Variants in COCH observed in about 807,000 individuals in gnomAD.
The protein encoded by COCH is cochlin, also known as coagulation factor C homolog, cochlin (Limulus polyphemus).
COCH carries 40 observed loss-of-function variants against 54.8 expected under a neutral mutation model. The observed-to-expected ratio is 0.73, with a 90% confidence interval of 0.57 to 0.95. COCH has a LOEUF of 0.95. Ranked by LOEUF, COCH falls within the 40% of genes least tolerant of loss-of-function variation. COCH has a pLI of 0.00. For missense variants in COCH, 605 were observed against 675.0 expected (o/e 0.90, Z 1.15); for synonymous variants, 256 against 237.9 (o/e 1.08, Z -0.70).
Position 30,875,108 on chromosome 14 carries a change from G to A in COCH, c.82+5G>A. On this transcript the variant is annotated splice_donor_5th_base_variant and intron_variant, in intron 3 of 11. Coordinates refer to ENST00000396618, the MANE Select transcript of COCH (RefSeq NM_004086.3). Reference sequence around the variant, plus strand: ...CCGCGGGCAGCGAGGGAGCCGGTGAGTGGGGGAGCTGGGGTGCGTCCAGGC... The same window carrying A: ...CCGCGGGCAGCGAGGGAGCCGGTGAATGGGGGAGCTGGGGTGCGTCCAGGC... The A allele has an allele frequency of 6.4e-6, 10 of 1,563,240 alleles. No individual in the cohort carries two copies. Among genetic ancestry groups the A allele is most frequent in the Non-Finnish European group, 8.7e-6 (10 of 1,154,576 alleles).
Position 30,877,374 on chromosome 14 carries a change from G to A in COCH, c.83-198G>A. 1 of 622,756 alleles carries A rather than the reference G, an allele frequency of 1.6e-6. No individual in the cohort carries two copies. The allele number at this position is 622,756 out of a possible 1,614,324, so 38.6% of individuals were successfully genotyped here. ...TTCACATTAGAGTTTTATAGTGGCTGGGGACTATATTAAATTGGAAAACAA... is the reference window on the plus strand; with the variant it reads ...TTCACATTAGAGTTTTATAGTGGCTAGGGACTATATTAAATTGGAAAACAA... On this transcript the variant is annotated intron_variant, in intron 3 of 11. Transcript: ENST00000396618. The surrounding 1 kb of genome is among the most constrained non-coding windows in gnomAD (Gnocchi z 8.6).
intron 8 of COCH, among the ~76,000 whole-genome samples, chr14:30,882,331 T>C (rs1895641196): frequency 6.6e-6 from 1 of 151,812 alleles, no homozygotes; most frequent in South Asian, 2.1e-4. Flanking sequence ...GGTTTCACCA[T>C]GTTGGCCAGC....
At chr14:30,879,274 T>C in intron 5 of COCH, 149 bp from the exon 6 acceptor site, 1 of 822,704 alleles carries the variant, frequency 1.2e-6, no homozygotes, top group South Asian at 1.6e-5. Flanking sequence ...AGCATTTTGG[T>C]TCTCTGAAAC....
At chr14:30,895,077 A>AAAAAAAAAG (rs1896101873), downstream of COCH, 1 of 184,230 alleles carries the variant, frequency 5.4e-6, no homozygotes, top group African/African-American at 2.9e-5. Context: ...AAAAAAAAAA[A>AAAAAAAAAG]AAGAAGAAGA....
At chr14:30,892,704 G>C (rs1330826260), downstream of COCH, among the ~76,000 whole-genome samples, 2 of 152,070 alleles carry the variant, frequency 1.3e-5, no homozygotes, top group Non-Finnish European at 2.9e-5. Context: ...CTACTTGGGA[G>C]GCTGAGGCAC....
chr14:30,874,811 C>T (rs939220614), intron 1 of COCH, 105 bp from the exon 2 acceptor site: 22 of 1,090,886 alleles, frequency 2.0e-5, no homozygotes, highest in Admixed American at 8.9e-5. Flanking sequence ...TGTGTCCTCT[C>T]TCCTCTGCGC....
chr14:30,879,004 T>C (rs745708852), intron 5 of COCH, 60 bp downstream of exon 5: 34 of 1,591,144 alleles, frequency 2.1e-5, no homozygotes, highest in African/African-American at 4.0e-5. Flanking sequence ...CGTTTTCTGC[T>C]TTTTTTAGCT....
At chr14:30,892,687 A>G (rs1896014436), downstream of COCH, among the ~76,000 whole-genome samples, 2 of 152,030 alleles carry the variant, frequency 1.3e-5, no homozygotes, top group South Asian at 4.1e-4. Flanking sequence ...CATGCCTGTA[A>G]TCCCAGCTAC....
rs7158281 is a variant in COCH at position 30,875,307 on chromosome 14, C to G, written c.82+204C>G. ...CACCTGTTTCTCCCATGGTAGGGGG[C>G]CCCTGGGGTCCAGTGGGGGGACGTT... is the stretch of plus-strand genomic sequence containing the variant. On this transcript the variant is annotated intron_variant, in intron 3 of 11. Transcript: ENST00000396618. The G allele has an allele frequency of 3.7e-3, 2,645 of 721,896 alleles. 70 individuals are homozygous for G. The Admixed American group carries it at 0.046, about 12-fold the overall frequency. 44.7% of individuals were successfully genotyped at this position (721,896 alleles called of 1,614,324 possible).
chr14:30,880,691 G>A lies in COCH; in HGVS notation c.586G>A (p.Gly196Arg). ...NFVGKVALML[G>R]IGTEGPHVGL... ...TGTTGGAAAAGTGGCTCTAATGTTG[G>A]GAATTGGAACAGAAGGACCACATGT... The change falls in exon 8 of 12, where the codon GGA becomes AGA. Residue 196 changes from glycine to arginine, a missense_variant. Gly to Arg is a moderately radical substitution (Grantham distance 125). Transcript: ENST00000396618. 6.2e-7 allele frequency: 1 copy of A among 1,613,966 alleles called. No individual in the cohort carries two copies. Among genetic ancestry groups the A allele is most frequent in the Non-Finnish European group, 8.5e-7 (1 of 1,179,904 alleles).
chr14:30,891,155 C>T (rs755449386), downstream of COCH, among the ~76,000 whole-genome samples: 9 of 152,080 alleles, frequency 5.9e-5, no homozygotes, highest in South Asian at 2.1e-4. Context: ...CTTGCTTCAC[C>T]AGAAATGTTT....
Position 30,878,852 on chromosome 14 carries a change from G to A in COCH, c.281G>A (p.Ser94Asn). 6.2e-7 allele frequency: 1 copy of A among 1,614,144 alleles called. No homozygotes were observed. Among genetic ancestry groups the A allele is most frequent in the Non-Finnish European group, 8.5e-7 (1 of 1,180,030 alleles). The stretch of plus-strand genomic sequence containing the variant: ...TCAGGGGGACCTGTACGAGTCTATA[G>A]CCTACCTGGTCGAGAAAACTATTCC... ...SNSGGPVRVY[S>N]LPGRENYSSV... The change falls in exon 5 of 12, where the codon AGC becomes AAC. Residue 94 changes from serine to asparagine, a missense_variant. Coordinates refer to ENST00000396618, the MANE Select transcript of COCH (RefSeq NM_004086.3).
At chr14:30,879,570 T>C in intron 6 of COCH, 85 bp downstream of exon 6, 1 of 1,386,884 alleles carries the variant, frequency 7.2e-7, no homozygotes, top group Admixed American at 1.7e-5. Flanking sequence ...GAAGCTTTTC[T>C]TAAAGAAATT....
intron 5 of COCH, 102 bp from the exon 6 acceptor site, chr14:30,879,320 AT>A: frequency 8.6e-7 from 1 of 1,166,420 alleles, no homozygotes; most frequent in Non-Finnish European, 1.3e-6. Context: ...TACAATCACC[AT>A]TACCCTATTA....
intron 11 of COCH, among the ~76,000 whole-genome samples, chr14:30,888,681 G>A (rs1416200002): frequency 6.6e-6 from 1 of 151,838 alleles, no homozygotes; most frequent in East Asian, 1.9e-4. Flanking sequence ...CCAGCTATTT[G>A]AGGATGGGGG....
At chr14:30,876,612 C>T (rs976799219) in intron 3 of COCH, 2 of 152,102 alleles carry the variant, frequency 1.3e-5, no homozygotes, top group African/African-American at 4.8e-5. Flanking sequence ...TTTTTGTTGG[C>T]TTCCTTAATG....
intron 11 of COCH, among the ~76,000 whole-genome samples, chr14:30,888,238 T>C (rs1895858188): frequency 6.6e-6 from 1 of 151,846 alleles, no homozygotes; most frequent in Non-Finnish European, 1.5e-5. Context: ...AAAAAAATAT[T>C]TTGACTTTTT....
downstream of COCH, chr14:30,895,457 T>C: frequency 6.2e-7 from 1 of 1,613,958 alleles, no homozygotes; most frequent in Non-Finnish European, 8.5e-7. Flanking sequence ...ACTAGCTATA[T>C]ATGCTTTTGA....
chr14:30,889,599 A>G lies in COCH; in HGVS notation c.1478-17A>G, dbSNP rs755867748. On this transcript the variant is annotated splice_polypyrimidine_tract_variant and intron_variant, in intron 11 of 11. Transcript: ENST00000396618. ...TAGACCTGATTTTCAATTCACTTTA[A>G]AATGTTTTCATTGTAGGAATCACTA... 6.2e-7 allele frequency: 1 copy of G among 1,611,732 alleles called. No individual in the cohort carries two copies. Among genetic ancestry groups the G allele is most frequent in the Non-Finnish European group, 8.5e-7 (1 of 1,177,902 alleles).
Sources: gnomAD v4.1 joint callset for allele counts (sites outside exome capture counted in the v4.1 genomes callset) on GRCh38, gnomAD v4.1.1 for gene constraint, Gnocchi (gnomAD v3.1) non-coding constraint, MANE v1.5 for transcripts, NCBI Gene and HGNC (gene_info 2026-07-23, HGNC 2026-07-21) for gene names.